THSD7A: variants seen among roughly 807,000 people sequenced by gnomAD.
THSD7A encodes thrombospondin type-1 domain-containing protein 7A.
THSD7A carries 96 observed loss-of-function variants against 231.3 expected under a neutral mutation model. That is an observed-to-expected ratio of 0.41 (90% CI 0.35 to 0.49). The LOEUF (loss-of-function observed/expected upper bound fraction) is 0.49. Ranked by LOEUF, THSD7A falls within the 20% of genes least tolerant of loss-of-function variation. The probability of loss-of-function intolerance (pLI) is 0.05; values close to 1 mark genes in which losing one functional copy is unlikely to be tolerated. For missense variants in THSD7A, 2,290 were observed against 2,070.2 expected (o/e 1.11, Z -2.06); for synonymous variants, 940 against 743.3 (o/e 1.26, Z -4.30).
chr7:11,766,624 G>A (rs1192589982), intron 1 of THSD7A, among the ~76,000 whole-genome samples: 1 of 152,080 alleles, frequency 6.6e-6, no homozygotes, highest in Admixed American at 6.6e-5. Flanking sequence ...TATGAAACAA[G>A]CAAAATATAT....
At chr7:11,579,163 C>T (rs62434523) in intron 4 of THSD7A, among the ~76,000 whole-genome samples, 9,209 of 152,162 alleles carry the variant, frequency 0.061, 370 homozygotes, top group African/African-American at 0.1. Flanking sequence ...TTTCCCATTG[C>T]TATTCTCCTT....
chr7:11,529,338 G>A lies in THSD7A; in HGVS notation c.1822+12081C>T, dbSNP rs112334188. On this transcript the variant is annotated intron_variant, in intron 6 of 27. Transcript: ENST00000423059. The stretch of plus-strand genomic sequence containing the variant: ...CATGTATATGTGCTTTGAAAATGAG[G>A]TCACTTATCTGATGAGTGTGTTATG... 4.4e-3 allele frequency among the ~76,000 whole-genome samples: 665 copies of A among 152,174 alleles called. 6 individuals are homozygous for A. The highest frequency in any genetic ancestry group is 0.015 in the African/African-American group (627 of 41,544).
In THSD7A at chr7:11,689,811, T is replaced by TAAAAAAA. The variant is rs35668623; in HGVS notation, c.191-52857_191-52851dup. 2.3e-5 allele frequency among the ~76,000 whole-genome samples: 3 copies of TAAAAAAA among 129,528 alleles called. 1 individual carries two copies. Among genetic ancestry groups the TAAAAAAA allele is most frequent in the Non-Finnish European group, 4.9e-5 (3 of 60,918 alleles). The allele number at this position is 129,528 out of a possible 152,430, so 85.0% of individuals were successfully genotyped here. A position where few individuals can be genotyped will look rare whatever the true frequency, so the allele number is the denominator to read the frequency against. On this transcript the variant is annotated intron_variant, in intron 1 of 27. Coordinates refer to ENST00000423059, the MANE Select transcript of THSD7A (RefSeq NM_015204.3). ...AAATTCTCACCCATTTGGAATTAGT[T>TAAAAAAA]AAAAAAAAAAAAAAAAAGGCAAGTT... is the stretch of plus-strand genomic sequence containing the variant.
In THSD7A at chr7:11,406,793, G is replaced by GCTTGTCAT. The variant is rs1185915085; in HGVS notation, c.4062+109_4062+116dup. 3 of 1,276,094 alleles carry GCTTGTCAT rather than the reference G, an allele frequency of 2.4e-6. No homozygotes were observed. The highest frequency in any genetic ancestry group is 1.1e-6 in the Non-Finnish European group (1 of 948,110). 79.0% of individuals were successfully genotyped at this position (1,276,094 alleles called of 1,614,324 possible). On this transcript the variant is annotated intron_variant, in intron 21 of 27. Coordinates refer to ENST00000423059, the MANE Select transcript of THSD7A (RefSeq NM_015204.3). The surrounding 1 kb of genome is among the most constrained non-coding windows in gnomAD (Gnocchi z 4.7). ...GGCAAGTACATACAAATTTTAAGAAGCTTGTCATCTGTGAGCTCTGAAACA... is the reference window on the plus strand; with the variant it reads ...GGCAAGTACATACAAATTTTAAGAAGCTTGTCATCTTGTCATCTGTGAGCTCTGAAACA...
At chr7:11,801,365 C>G (rs1784270692) in intron 1 of THSD7A, among the ~76,000 whole-genome samples, 1 of 151,940 alleles carries the variant, frequency 6.6e-6, no homozygotes, top group South Asian at 2.1e-4. Context: ...TTTCTAAGGA[C>G]CAAAGTAAGT....
At chr7:11,691,746 A>G (rs1231642242) in intron 1 of THSD7A, among the ~76,000 whole-genome samples, 1 of 151,438 alleles carries the variant, frequency 6.6e-6, no homozygotes, top group Non-Finnish European at 1.5e-5. Context: ...ACATTGAATT[A>G]TTAAGACAAC....
chr7:11,623,142 T>A (rs1159830396), intron 2 of THSD7A, among the ~76,000 whole-genome samples: 6 of 152,160 alleles, frequency 3.9e-5, no homozygotes, highest in African/African-American at 7.2e-5. Context: ...CTATTAGGAC[T>A]CAGGAAAGAA....
chr7:11,782,931 A>T (rs1442219587), intron 1 of THSD7A, among the ~76,000 whole-genome samples: 1 of 152,132 alleles, frequency 6.6e-6, no homozygotes, highest in African/African-American at 2.4e-5. Context: ...GAAAATACAA[A>T]CTGTGTTTTT....
intron 4 of THSD7A, among the ~76,000 whole-genome samples, chr7:11,554,079 T>C (rs1789742108): frequency 6.6e-6 from 1 of 152,056 alleles, no homozygotes; most frequent in Non-Finnish European, 1.5e-5. Flanking sequence ...TGTATAAACA[T>C]AGTACAATAT....
chr7:11,406,484 A>T lies in THSD7A; in HGVS notation c.4063-10T>A. 1 of 1,600,266 alleles carries T rather than the reference A, an allele frequency of 6.2e-7. No individual in the cohort carries two copies. The highest frequency in any genetic ancestry group is 8.5e-7 in the Non-Finnish European group (1 of 1,174,804). ...CTCCACACTGGGCCTCCTGGAATGG[A>T]GGAAGAAATAACTAATTAGAAAAAG... On this transcript the variant is annotated splice_polypyrimidine_tract_variant and intron_variant, in intron 21 of 27. Coordinates refer to ENST00000423059, the MANE Select transcript of THSD7A (RefSeq NM_015204.3). This position sits in a 1 kb window ranked among gnomAD's most constrained non-coding sequence, Gnocchi z 4.7.
intron 1 of THSD7A, among the ~76,000 whole-genome samples, chr7:11,674,765 A>G (rs924899356): frequency 6.6e-6 from 1 of 152,172 alleles, no homozygotes; most frequent in Admixed American, 6.5e-5. Flanking sequence ...AGAGTGTTTA[A>G]TCACCTCCAA....
chr7:11,629,442 C>T (rs535527187), intron 2 of THSD7A, among the ~76,000 whole-genome samples: 6 of 152,216 alleles, frequency 3.9e-5, no homozygotes, highest in Admixed American at 1.3e-4. Context: ...GGCAACTCGA[C>T]GCTTTGGATA....
At chr7:11,802,197 G>A (rs1006454715) in intron 1 of THSD7A, among the ~76,000 whole-genome samples, 8 of 152,052 alleles carry the variant, frequency 5.3e-5, no homozygotes, top group African/African-American at 1.9e-4. Flanking sequence ...TCCAAATCAA[G>A]GTTCCTAGGG....
intron 4 of THSD7A, among the ~76,000 whole-genome samples, chr7:11,561,998 C>G (rs1790097516): frequency 6.6e-6 from 1 of 152,146 alleles, no homozygotes; most frequent in African/African-American, 2.4e-5. Flanking sequence ...ATGTTCTTCC[C>G]CCAGTTCCCA....
At chr7:11,523,368 G>A (rs1583902313) in intron 6 of THSD7A, among the ~76,000 whole-genome samples, 1 of 152,124 alleles carries the variant, frequency 6.6e-6, no homozygotes, top group East Asian at 1.9e-4. Flanking sequence ...ATTTCTTTGA[G>A]AATTTCTTTG....
chr7:11,379,314 G>T, intron 25 of THSD7A, 34 bp from the exon 26 acceptor site: 2 of 1,601,354 alleles, frequency 1.2e-6, no homozygotes, highest in Non-Finnish European at 1.7e-6. Context: ...TACTAGCCAT[G>T]CAAGGAATCT....
intron 1 of THSD7A, among the ~76,000 whole-genome samples, chr7:11,726,473 T>C (rs1194132605): frequency 6.6e-6 from 1 of 151,980 alleles, no homozygotes; most frequent in African/African-American, 2.4e-5. Flanking sequence ...ATCCGGGATT[T>C]CCCTTTTGCC....
At chr7:11,751,309 G>A (rs530344124) in intron 1 of THSD7A, 14 of 148,898 alleles carry the variant, frequency 9.4e-5, no homozygotes, top group African/African-American at 3.2e-4. Context: ...GAGGAAAAGA[G>A]GGCAATGGCT....
At chr7:11,762,853 C>T (rs1489510694) in intron 1 of THSD7A, among the ~76,000 whole-genome samples, 1 of 152,022 alleles carries the variant, frequency 6.6e-6, no homozygotes, top group Non-Finnish European at 1.5e-5. Context: ...ATTAGACAAT[C>T]AACATCATTA....
Sources: gnomAD v4.1 joint callset for allele counts (sites outside exome capture counted in the v4.1 genomes callset) on GRCh38, gnomAD v4.1.1 for gene constraint, Gnocchi (gnomAD v3.1) non-coding constraint, MANE v1.5 for transcripts, NCBI Gene and HGNC (gene_info 2026-07-23, HGNC 2026-07-21) for gene names.